Variants in PDE7B observed in about 807,000 individuals in gnomAD.
PDE7B encodes phosphodiesterase 7B.
In PDE7B, 29 loss-of-function variants were observed where a neutral mutation model predicts 56.2. That is an observed-to-expected ratio of 0.52 (90% confidence interval 0.38 to 0.70). The LOEUF is 0.70. Ranked by LOEUF, PDE7B falls within the 30% of genes least tolerant of loss-of-function variation. The probability of loss-of-function intolerance (pLI) is 0.00; values close to 1 mark genes in which losing one functional copy is unlikely to be tolerated. For missense variants in PDE7B, 490 were observed against 565.0 expected (o/e 0.87, Z 1.35); for synonymous variants, 197 against 196.9 (o/e 1.00, Z 0.00).
At chr6:135,883,323 C>G (rs1356176862) in intron 1 of PDE7B, among the ~76,000 whole-genome samples, 1 of 152,146 alleles carries the variant, frequency 6.6e-6, no homozygotes, top group East Asian at 1.9e-4. Flanking sequence ...TCAAGCCTGC[C>G]CAGCTCACAT....
intron 2 of PDE7B, among the ~76,000 whole-genome samples, chr6:136,106,838 C>T (rs1013268268): frequency 6.6e-6 from 1 of 152,138 alleles, no homozygotes; most frequent in Admixed American, 6.5e-5. Context: ...CCAGCCACCC[C>T]ATATTAAAGT....
chr6:135,917,195 T>C (rs1204723839), intron 1 of PDE7B, among the ~76,000 whole-genome samples: 1 of 152,208 alleles, frequency 6.6e-6, no homozygotes, highest in African/African-American at 2.4e-5. Context: ...CCTTTCAAGA[T>C]GGTTTTGGCT....
intron 8 of PDE7B, among the ~76,000 whole-genome samples, chr6:136,168,168 T>G (rs1175942012): frequency 1.3e-5 from 2 of 152,200 alleles, no homozygotes; most frequent in Non-Finnish European, 1.5e-5. Flanking sequence ...AATTTAATAT[T>G]TATGTAAGTT....
intron 5 of PDE7B, among the ~76,000 whole-genome samples, chr6:136,150,348 T>G (rs1048800524): frequency 6.6e-6 from 1 of 152,208 alleles, no homozygotes; most frequent in Admixed American, 6.5e-5. Context: ...TCAGGTCTCA[T>G]GTGTAAGTCT....
chr6:136,179,000 G>A lies in PDE7B; in HGVS notation c.807G>A (p.Gln269=). ...LLAHLPKEMT[Q]DIEQQLGSLI... is the part of the protein sequence containing the mutation. ...TCTTTCATTCTTGTGGATGCAGACA[G>A]GATATTGAACAGCAGCTGGGCTCCT... Residue 269 remains glutamine, a synonymous_variant, in exon 10 of 13, where the codon CAG becomes CAA. Coordinates refer to ENST00000308191, the MANE Select transcript of PDE7B (RefSeq NM_018945.4). 1.2e-6 allele frequency: 2 copies of A among 1,614,134 alleles called. No individual in the cohort carries two copies. The highest frequency in any genetic ancestry group is 1.7e-6 in the Non-Finnish European group (2 of 1,179,988).
At chr6:135,996,435 A>G (rs753725384) in intron 2 of PDE7B, among the ~76,000 whole-genome samples, 5 of 152,218 alleles carry the variant, frequency 3.3e-5, no homozygotes, top group African/African-American at 4.8e-5. Flanking sequence ...CCTTTAACTT[A>G]CATATTGTAT....
intron 3 of PDE7B, among the ~76,000 whole-genome samples, chr6:136,118,676 A>C (rs1236383244): frequency 6.6e-6 from 1 of 152,222 alleles, no homozygotes; most frequent in East Asian, 1.9e-4. Context: ...TTTATATATG[A>C]ATTTTAATAT....
chr6:135,944,205 C>A (rs1178169161), intron 1 of PDE7B, among the ~76,000 whole-genome samples: 1 of 152,134 alleles, frequency 6.6e-6, no homozygotes, highest in Non-Finnish European at 1.5e-5. Flanking sequence ...AGGAGGGTTG[C>A]AGCACCCGAT....
intron 1 of PDE7B, among the ~76,000 whole-genome samples, chr6:135,881,100 T>G (rs770807859): frequency 2.0e-5 from 3 of 152,118 alleles, no homozygotes; most frequent in Non-Finnish European, 2.9e-5. Flanking sequence ...TTTTATTGCA[T>G]TTAAGTTTTT....
At chr6:136,027,602 G>A (rs1776175651) in intron 2 of PDE7B, among the ~76,000 whole-genome samples, 1 of 151,948 alleles carries the variant, frequency 6.6e-6, no homozygotes, top group African/African-American at 2.4e-5. Flanking sequence ...GAAAAAAATT[G>A]GTTATCATTT....
chr6:135,966,590 C>T (rs1775001188), intron 2 of PDE7B, among the ~76,000 whole-genome samples: 1 of 152,112 alleles, frequency 6.6e-6, no homozygotes, highest in Non-Finnish European at 1.5e-5. Flanking sequence ...TGTGGCAGCC[C>T]TGGGCATGAG....
chr6:135,955,674 T>C (rs989247747), intron 2 of PDE7B, among the ~76,000 whole-genome samples: 1 of 152,050 alleles, frequency 6.6e-6, no homozygotes, highest in Admixed American at 6.6e-5. Context: ...GAGGAGGATA[T>C]CGCTGAAGAA....
intron 2 of PDE7B, among the ~76,000 whole-genome samples, chr6:136,075,041 A>T (rs1006460846): frequency 3.3e-5 from 5 of 152,198 alleles, no homozygotes; most frequent in African/African-American, 1.2e-4. Flanking sequence ...TCCTCTAGTA[A>T]GGAAAAACTT....
intron 2 of PDE7B, among the ~76,000 whole-genome samples, chr6:135,974,046 C>A (rs1775141339): frequency 6.6e-6 from 1 of 152,156 alleles, no homozygotes; most frequent in South Asian, 2.1e-4. Context: ...CAAGACTAAA[C>A]CATTCCTAAC....
intron 8 of PDE7B, among the ~76,000 whole-genome samples, chr6:136,170,943 C>T (rs1778869196): frequency 1.3e-5 from 2 of 152,128 alleles, no homozygotes; most frequent in South Asian, 2.1e-4. Flanking sequence ...TAAGTTTCAA[C>T]GTGTGTTTTG....
At chr6:136,127,430 T>A (rs781069990) in intron 3 of PDE7B, among the ~76,000 whole-genome samples, 1 of 152,360 alleles carries the variant, frequency 6.6e-6, no homozygotes, top group East Asian at 1.9e-4. Flanking sequence ...TTGGGCTTTT[T>A]ATTTATCAGT....
chr6:136,012,810 A>G (rs6931583), intron 2 of PDE7B: 4 of 152,126 alleles, frequency 2.6e-5, no homozygotes, highest in African/African-American at 9.7e-5. Flanking sequence ...AGTTAAAGAG[A>G]GTGTTCTGAC....
chr6:135,928,129 T>TA (rs941472459), intron 1 of PDE7B, among the ~76,000 whole-genome samples: 4 of 151,778 alleles, frequency 2.6e-5, no homozygotes, highest in Admixed American at 6.6e-5. Context: ...ATTAAAAAGT[T>TA]AAAAAAACAA....
At chr6:135,990,105 T>TG (rs1053503803) in intron 2 of PDE7B, among the ~76,000 whole-genome samples, 1 of 150,822 alleles carries the variant, frequency 6.6e-6, no homozygotes, top group Non-Finnish European at 1.5e-5. Context: ...TTTGTTTTTT[T>TG]TTTTTTTTGA....
Sources: allele counts gnomAD v4.1 joint callset (sites outside exome capture counted in the v4.1 genomes callset), GRCh38; gene constraint gnomAD v4.1.1; transcripts MANE v1.5; gene names NCBI Gene and HGNC (gene_info 2026-07-23, HGNC 2026-07-21).